The following HTATSF1 variants were observed in gnomAD, a reference collection of about 807,000 sequenced individuals.
The protein encoded by HTATSF1 is HIV-1 Tat specific factor 1, also known as 17S U2 SnRNP complex component HTATSF1.
A neutral mutation model predicts 46.1 loss-of-function variants in HTATSF1; 6 were observed. The observed-to-expected ratio is 0.13, with a 90% confidence interval of 0.07 to 0.26. The LOEUF (loss-of-function observed/expected upper bound fraction) is 0.26. Among genes scored for constraint, HTATSF1 ranks in the 10% least tolerant of loss-of-function variants. The pLI, the probability that HTATSF1 is intolerant of heterozygous loss-of-function variation, is 1.00. For synonymous variants in HTATSF1, 226 were observed against 211.5 expected (o/e 1.07, Z -0.60); for missense variants, 452 against 559.9 (o/e 0.81, Z 1.94).
At chrX:136,499,536 C>T (rs1277934907) in intron 1 of HTATSF1, 62 bp from the exon 2 acceptor site, 16 of 897,503 alleles carry the variant, frequency 1.8e-5, no homozygotes, top group Non-Finnish European at 2.4e-5. Context: ...ACAATTTAAA[C>T]TTCTTATGAG....
intron 8 of HTATSF1, among the ~76,000 whole-genome samples, chrX:136,510,455 A>C (rs1178992025): frequency 8.9e-6 from 1 of 112,775 alleles, no homozygotes; most frequent in Non-Finnish European, 1.9e-5. Flanking sequence ...TCAGTTTCTA[A>C]GTCTGAAAGT....
Position 136,500,888 on chromosome X carries a change from A to G in HTATSF1, c.570+70A>G, listed in dbSNP as rs189489342. 2.5e-4 allele frequency: 187 copies of G among 762,739 alleles called. 2 individuals carry two copies. The African/African-American group carries it at 3.7e-3, about 15-fold the overall frequency. The allele number at this position is 762,739 out of a possible 1,213,427, so 62.9% of individuals were successfully genotyped here. A position where few individuals can be genotyped will look rare whatever the true frequency, so the allele number is the denominator to read the frequency against. On this transcript the variant is annotated intron_variant, in intron 4 of 8. Transcript: ENST00000218364. ...CTCAGGAACCAGGGCTATAATTTCT[A>G]TAGATGATAACCAACACCAAGAACT...
chrX:136,497,622 A>G lies in HTATSF1; in HGVS notation c.-63A>G. 1 of 1,007,626 alleles carries G rather than the reference A, an allele frequency of 9.9e-7. No homozygotes were observed. Among genetic ancestry groups the G allele is most frequent in the Non-Finnish European group, 1.3e-6 (1 of 747,181 alleles). 83.0% of individuals were successfully genotyped at this position (1,007,626 alleles called of 1,213,427 possible). A position where few individuals can be genotyped will look rare whatever the true frequency, so the allele number is the denominator to read the frequency against. ...GCGGTTGACCTCCCTTTCTCTGCTCAGCTCCAGCGTCATTTCGGCCTCTTA... is the reference window on the plus strand; with the variant it reads ...GCGGTTGACCTCCCTTTCTCTGCTCGGCTCCAGCGTCATTTCGGCCTCTTA... On this transcript the variant is annotated 5_prime_UTR_variant, in exon 1 of 9. Transcript: ENST00000218364.
rs749656100 is a variant in HTATSF1, at chrX:136,510,813, G to A, written c.1068G>A (p.Glu356=). The change falls in exon 9 of 9, where the codon GAG becomes GAA. Residue 356 remains glutamate, a synonymous_variant. Transcript: ENST00000218364. ...AWDGTTDYQV[E]ETSREREERL... ...CAGTCTCCATTTATCCACAGGTGGAGGAAACCTCAAGAGAAAGGGAGGAAA... is the reference window on the plus strand; with the variant it reads ...CAGTCTCCATTTATCCACAGGTGGAAGAAACCTCAAGAGAAAGGGAGGAAA... The A allele has an allele frequency of 6.7e-6, 8 of 1,186,503 alleles. No individual in the cohort carries two copies. In the Admixed American group the frequency reaches 1.8e-4, roughly 26 times the overall value.
In HTATSF1 at chrX:136,511,007, C is replaced by T. The variant is rs766864225; in HGVS notation, c.1262C>T (p.Ala421Val). The change falls in exon 9 of 9, where the codon GCG becomes GTG. Residue 421 changes from alanine to valine, a missense_variant. Coordinates refer to ENST00000218364, the MANE Select transcript of HTATSF1 (RefSeq NM_014500.5). ...MNAQETATGM[A>V]FEEPIDEKKF... Reference sequence around the variant, plus strand: ...GCTCAAGAAACTGCAACTGGAATGGCGTTTGAAGAACCTATAGATGAGAAG... The same window carrying T: ...GCTCAAGAAACTGCAACTGGAATGGTGTTTGAAGAACCTATAGATGAGAAG... 5 of 1,210,855 alleles carry T rather than the reference C, an allele frequency of 4.1e-6. No homozygotes were observed. Among genetic ancestry groups the T allele is most frequent in the East Asian group, 5.9e-5 (2 of 33,840 alleles).
rs2075698106 is a variant in HTATSF1 at position 136,497,630 on chromosome X, C to A, written c.-55C>A. Reference sequence around the variant, plus strand: ...CCTCCCTTTCTCTGCTCAGCTCCAGCGTCATTTCGGCCTCTTAGTTCTTCT... The same window carrying A: ...CCTCCCTTTCTCTGCTCAGCTCCAGAGTCATTTCGGCCTCTTAGTTCTTCT... On this transcript the variant is annotated 5_prime_UTR_variant, in exon 1 of 9. Coordinates refer to ENST00000218364, the MANE Select transcript of HTATSF1 (RefSeq NM_014500.5). The A allele has an allele frequency of 2.9e-6, 3 of 1,046,653 alleles. No individual in the cohort carries two copies. The highest frequency in any genetic ancestry group is 2.6e-6 in the Non-Finnish European group (2 of 771,497). The allele number at this position is 1,046,653 out of a possible 1,213,427, so 86.3% of individuals were successfully genotyped here.
rs1031989455 is a variant in HTATSF1, at chrX:136,499,260, A to G, written c.187-338A>G. On this transcript the variant is annotated intron_variant, in intron 1 of 8. Transcript: ENST00000218364. The stretch of plus-strand genomic sequence containing the variant: ...TATTATCTGGTTCTTCCTTTGTTGT[A>G]TGTATTTGTAGCCTTAGTCAAGTAG... Among the ~76,000 whole-genome samples, 3 of 112,302 alleles carry G rather than the reference A, an allele frequency of 2.7e-5. No homozygotes were observed. In the East Asian group the frequency reaches 8.3e-4, roughly 31 times the overall value.
At position 136,511,250 on chromosome X, in the gene HTATSF1, A is replaced by G. The variant is rs2075766139; in HGVS notation, c.1505A>G (p.Glu502Gly). 8.3e-7 allele frequency: 1 copy of G among 1,207,418 alleles called. No individual in the cohort carries two copies. The highest frequency in any genetic ancestry group is 2.2e-5 in the Admixed American group (1 of 45,202). ...RGSEEDSPKK[E>G]SKKKTLKNDC... Reference sequence around the variant, plus strand: ...TCTGAAGAGGATAGTCCTAAAAAAGAGTCTAAAAAGAAGACACTCAAAAAT... The same window carrying G: ...TCTGAAGAGGATAGTCCTAAAAAAGGGTCTAAAAAGAAGACACTCAAAAAT... The change falls in exon 9 of 9, where the codon GAG (glutamate) becomes GGG (glycine). Residue 502 changes from glutamate to glycine, a missense_variant. By Grantham distance (98) the Glu-to-Gly change is moderately conservative. Coordinates refer to ENST00000218364, the MANE Select transcript of HTATSF1 (RefSeq NM_014500.5).
At chrX:136,503,607 T>C (rs1350121190) in intron 5 of HTATSF1, among the ~76,000 whole-genome samples, 1 of 111,835 alleles carries the variant, frequency 8.9e-6, no homozygotes, top group Non-Finnish European at 1.9e-5. Context: ...ATCAGTAAAA[T>C]TTATGATTGT....
intron 1 of HTATSF1, among the ~76,000 whole-genome samples, chrX:136,498,075 A>G (rs1002179163): frequency 8.0e-5 from 9 of 112,704 alleles, no homozygotes; most frequent in Non-Finnish European, 1.7e-4. Context: ...GTAATTTTTA[A>G]GTCTTTTCTA....
At chrX:136,508,570 C>T (rs187655247) in intron 6 of HTATSF1, among the ~76,000 whole-genome samples, 3 of 112,624 alleles carry the variant, frequency 2.7e-5, no homozygotes, top group East Asian at 5.5e-4. Context: ...GGAGACAAGA[C>T]GAACAGTAAT....
At chrX:136,508,957 T>C (rs1310005033) in intron 6 of HTATSF1, 134 bp from the exon 7 acceptor site, 5 of 472,641 alleles carry the variant, frequency 1.1e-5, no homozygotes, top group Non-Finnish European at 1.8e-5. Context: ...TTTTAAAAAA[T>C]TGTATAGAAT....
Position 136,499,716 on chromosome X carries a change from A to T in HTATSF1, c.305A>T (p.Gln102Leu). ...GCTAGGACTGCAGAGGAACCTCCAC[A>T]AGAAAAAGCCCCGGAACCCACTGAT... Reference protein sequence around the residue: ...VHARTAEEPPQEKAPEPTDAR... With the variant: ...VHARTAEEPPLEKAPEPTDAR... Residue 102 changes from glutamine (Q) to leucine (L), a missense_variant, in exon 2 of 9, where the codon CAA (glutamine) becomes CTA (leucine). Gln to Leu is a moderately radical substitution (Grantham distance 113). This residue lies in a region of HTATSF1 where 89 missense variants were observed against 92.3 expected (regional missense o/e 0.96). Coordinates refer to ENST00000218364, the MANE Select transcript of HTATSF1 (RefSeq NM_014500.5). The T allele has an allele frequency of 2.5e-6, 3 of 1,199,945 alleles. No individual in the cohort carries two copies. The highest frequency in any genetic ancestry group is 3.4e-6 in the Non-Finnish European group (3 of 892,126).
At position 136,497,750 on chromosome X, in the gene HTATSF1, C is replaced by A; in HGVS notation, c.66C>A (p.Tyr22Ter). Reference sequence around the variant, plus strand: ...AGCAGTTGCGAATGCAAGAATTGTACGGAGACGGCAAGGATGGTGACACCC... The same window carrying A: ...AGCAGTTGCGAATGCAAGAATTGTAAGGAGACGGCAAGGATGGTGACACCC... The part of the protein sequence containing the change: ...FDEQLRMQEL[Y>*]GDGKDGDTQT... Residue 22 changes from tyrosine to a stop codon, truncating the protein, a stop_gained, in exon 1 of 9, where the codon TAC (tyrosine) becomes TAA (stop). Transcript: ENST00000218364. LOFTEE classifies it high-confidence loss of function. 8.3e-7 allele frequency: 1 copy of A among 1,206,522 alleles called. No individual in the cohort carries two copies. The highest frequency in any genetic ancestry group is 1.1e-6 in the Non-Finnish European group (1 of 891,454).
chrX:136,498,476 C>G (rs1038855440), intron 1 of HTATSF1, among the ~76,000 whole-genome samples: 2 of 111,997 alleles, frequency 1.8e-5, no homozygotes, highest in Non-Finnish European at 3.8e-5. Context: ...ATTTCAGCTT[C>G]GAAGTAAAAT....
intron 4 of HTATSF1, among the ~76,000 whole-genome samples, chrX:136,501,460 A>G (rs2075717989): frequency 8.9e-6 from 1 of 112,711 alleles, no homozygotes; most frequent in Non-Finnish European, 1.9e-5. Flanking sequence ...AGAGAGTGGT[A>G]TTAAGAGAAA....
chrX:136,508,842 C>A (rs2075754741), intron 6 of HTATSF1, among the ~76,000 whole-genome samples: 1 of 112,557 alleles, frequency 8.9e-6, no homozygotes, highest in South Asian at 3.6e-4. Flanking sequence ...CCACTGTAGG[C>A]CCCTTCTGCT....
chrX:136,499,992 T>G (rs942728022), intron 2 of HTATSF1, among the ~76,000 whole-genome samples, 166 bp from the exon 3 acceptor site: 2 of 111,845 alleles, frequency 1.8e-5, no homozygotes, highest in Non-Finnish European at 3.8e-5. Context: ...ATTTAAATCT[T>G]TTGAAAGCTG....
intron 5 of HTATSF1, among the ~76,000 whole-genome samples, chrX:136,503,349 G>A (rs1173448177): frequency 8.9e-6 from 1 of 112,025 alleles, no homozygotes; most frequent in Non-Finnish European, 1.9e-5. Context: ...TGTATTTACT[G>A]TAGTTGTATG....
Sources: gnomAD v4.1 joint callset for allele counts (sites outside exome capture counted in the v4.1 genomes callset) on GRCh38, gnomAD v4.1.1 for gene constraint, gnomAD v4.1.1 regional missense constraint, MANE v1.5 for transcripts, NCBI Gene and HGNC (gene_info 2026-07-23, HGNC 2026-07-21) for gene names.